The following TMEM259 variants were observed in gnomAD, a reference collection of about 807,000 sequenced individuals.
TMEM259 encodes transmembrane protein 259.
In TMEM259, 26 loss-of-function variants were observed where a neutral mutation model predicts 46.7. The observed-to-expected ratio is 0.56, with a 90% CI of 0.41 to 0.77. The LOEUF is 0.77. Ranked by LOEUF, TMEM259 falls within the 30% of genes least tolerant of loss-of-function variation. The pLI is 0.00. For synonymous variants in TMEM259, 494 were observed against 395.1 expected (o/e 1.25, Z -2.97); for missense variants, 930 against 900.5 (o/e 1.03, Z -0.42).
Position 1,010,013 on chromosome 19 carries a change from C to A in TMEM259, c.*337G>T. 8.5e-6 allele frequency: 3 copies of A among 354,304 alleles called. No homozygotes were observed. The highest frequency in any genetic ancestry group is 1.5e-5 in the Non-Finnish European group (3 of 196,586). 21.9% of individuals were successfully genotyped at this position (354,304 alleles called of 1,614,324 possible). On this transcript the variant is annotated 3_prime_UTR_variant, in exon 11 of 11. Transcript: ENST00000356663. ...CCCCAAGCCGGCCTCTCCTCCACAC[C>A]TCCGCCTTGCTCAGAGACCTGCACC...
In TMEM259 at chr19:1,012,182, G is replaced by A. The variant is rs555699990; in HGVS notation, c.725C>T (p.Thr242Met). The change falls in exon 5 of 11, where the codon ACG becomes ATG. Residue 242 changes from threonine to methionine, a missense_variant. Physicochemically the swap from Thr to Met is moderately conservative, Grantham distance 81 (BLOSUM62 -1). Coordinates refer to ENST00000356663, the MANE Select transcript of TMEM259 (RefSeq NM_001033026.2). ...GCGGTCCCCGAAGCACTGGTCCCGC[G>A]TGGGGTCTGCGGGTGGGTGAATCAG... ...IPVMVVTLDP[T>M]RDQCFGDRFS... is the part of the protein sequence containing the mutation. 4.1e-5 allele frequency: 65 copies of A among 1,601,032 alleles called. No individual in the cohort carries two copies. The highest frequency in any genetic ancestry group is 1.8e-4 in the Middle Eastern group (1 of 5,588).
Position 1,011,489 on chromosome 19 carries a change from G to A in TMEM259, c.1095C>T (p.Ala365=). 1.3e-6 allele frequency: 2 copies of A among 1,549,352 alleles called. No individual in the cohort carries two copies. The highest frequency in any genetic ancestry group is 1.7e-6 in the Non-Finnish European group (2 of 1,147,202). ...TVILALVGME[A]IMSEFFNDTT... is the part of the protein sequence containing the mutation. Reference sequence around the variant, plus strand: ...TGTCGTTGAAGAACTCCGACATGATGGCCTCCATCCCTGCAGGGAGAGGCG... The same window carrying A: ...TGTCGTTGAAGAACTCCGACATGATAGCCTCCATCCCTGCAGGGAGAGGCG... Residue 365 remains alanine, a synonymous_variant, in exon 9 of 11, where the codon GCC becomes GCT. Transcript: ENST00000356663.
In TMEM259 at chr19:1,011,244, G is replaced by GCCCAGC. The variant is rs1217969303; in HGVS notation, c.1218-55_1218-50dup. On this transcript the variant is annotated intron_variant, in intron 9 of 10. Transcript: ENST00000356663. ...GGGGCTGCAGGTCCCACCCTGCCAG[G>GCCCAGC]CCCAGCCCCTGGGGTTCCCGCGTGG... is the stretch of plus-strand genomic sequence containing the variant. 1.9e-6 allele frequency: 3 copies of GCCCAGC among 1,548,938 alleles called. No homozygotes were observed. The African/African-American group carries it at 4.1e-5, about 21-fold the overall frequency.
At position 1,014,489 on chromosome 19, in the gene TMEM259, C is replaced by A; in HGVS notation, c.226-16G>T. 6.3e-7 allele frequency: 1 copy of A among 1,599,444 alleles called. No homozygotes were observed. The highest frequency in any genetic ancestry group is 8.5e-7 in the Non-Finnish European group (1 of 1,171,764). ...CAAACAGGGCCTAGGGGGCGGCCGG[C>A]AGTCAGTGGGGCGCCCCAGGGCCAG... is the stretch of plus-strand genomic sequence containing the variant. On this transcript the variant is annotated splice_polypyrimidine_tract_variant and intron_variant, in intron 1 of 10. Coordinates refer to ENST00000356663, the MANE Select transcript of TMEM259 (RefSeq NM_001033026.2).
chr19:1,020,368 C>G lies in TMEM259; in HGVS notation c.225+404G>C, dbSNP rs981741239. ...AACTGAGGGTCTCAGGCGGCACAGT[C>G]AGGGGTCAAAGGGCGGGAGGTGCTA... On this transcript the variant is annotated intron_variant, in intron 1 of 10. Coordinates refer to ENST00000356663, the MANE Select transcript of TMEM259 (RefSeq NM_001033026.2). The surrounding 1 kb of genome is among the most constrained non-coding windows in gnomAD (Gnocchi z 4.0). Among the ~76,000 whole-genome samples the G allele has an allele frequency of 2.0e-5, 3 of 152,020 alleles. No homozygotes were observed. The highest frequency in any genetic ancestry group is 1.3e-4 in the Admixed American group (2 of 15,266).
At chr19:1,012,617 T>A in intron 3 of TMEM259, 44 bp from the exon 4 acceptor site, 1 of 1,536,116 alleles carries the variant, frequency 6.5e-7, no homozygotes, top group Non-Finnish European at 8.8e-7. Context: ...CCCACACACG[T>A]CCCCCGCCCA....
Position 1,009,765 on chromosome 19 carries a change from C to T in TMEM259, c.*585G>A, listed in dbSNP as rs967627100. The stretch of plus-strand genomic sequence containing the variant: ...CTCCCCGAGTGACTGGTTTGGCCGC[C>T]GGCCCACTCCATCCCCGAGTGGGAC... On this transcript the variant is annotated 3_prime_UTR_variant, in exon 11 of 11. Coordinates refer to ENST00000356663, the MANE Select transcript of TMEM259 (RefSeq NM_001033026.2). The T allele has an allele frequency of 4.3e-5, 27 of 632,894 alleles. No individual in the cohort carries two copies. Among genetic ancestry groups the T allele is most frequent in the African/African-American group, 4.3e-4 (22 of 51,590 alleles). 39.2% of individuals were successfully genotyped at this position (632,894 alleles called of 1,614,324 possible).
At chr19:1,017,626 G>C (rs1443876085) in intron 1 of TMEM259, among the ~76,000 whole-genome samples, 2 of 152,124 alleles carry the variant, frequency 1.3e-5, no homozygotes, top group Non-Finnish European at 2.9e-5. Flanking sequence ...GCCTCCTCCA[G>C]GAAGCTTCCT....
intron 1 of TMEM259, among the ~76,000 whole-genome samples, chr19:1,019,784 C>T (rs1267289347): frequency 6.6e-6 from 1 of 152,230 alleles, no homozygotes; most frequent in Non-Finnish European, 1.5e-5. Flanking sequence ...TCAGCAGCCC[C>T]CAAGCCCCGG....
rs758768716 is a variant in TMEM259, at chr19:1,010,095, A to G, written c.*255T>C. The G allele has an allele frequency of 2.1e-6, 1 of 485,486 alleles. No homozygotes were observed. Among genetic ancestry groups the G allele is most frequent in the Non-Finnish European group, 3.6e-6 (1 of 277,724 alleles). 30.1% of individuals were successfully genotyped at this position (485,486 alleles called of 1,614,324 possible). The stretch of plus-strand genomic sequence containing the variant: ...ACTGCAGACCTACCAAGACCCCTCC[A>G]GAACCTTCCGCGGAACCCCACCCCC... On this transcript the variant is annotated 3_prime_UTR_variant, in exon 11 of 11. Transcript: ENST00000356663.
intron 4 of TMEM259, 131 bp from the exon 5 acceptor site, chr19:1,012,319 C>T: frequency 6.7e-7 from 1 of 1,499,510 alleles, no homozygotes; most frequent in African/African-American, 1.4e-5. Context: ...CCATCCAGGA[C>T]CCCAGCCCTG....
chr19:1,011,192 G>T lies in TMEM259; in HGVS notation c.1221C>A (p.Phe407Leu). The T allele has an allele frequency of 1.3e-6, 2 of 1,592,940 alleles. No individual in the cohort carries two copies. Among genetic ancestry groups the T allele is most frequent in the East Asian group, 2.3e-5 (1 of 43,648 alleles). ...AGAAGGCGAAGTGGTAGAGATAGAA[G>T]AACCTGCGGGGCGGGGTGAGGGCGT... ...TSTSKRHWLR[F>L]FYLYHFAFYA... Residue 407 changes from phenylalanine to leucine, a missense_variant, in exon 10 of 11, where the codon TTC becomes TTA. Transcript: ENST00000356663.
At chr19:1,011,006 C>A (rs931623105) in intron 10 of TMEM259, 90 bp downstream of exon 10, 54 of 1,544,080 alleles carry the variant, frequency 3.5e-5, no homozygotes, top group Non-Finnish European at 4.4e-5. Flanking sequence ...CCCGCTTGGG[C>A]CGACCCCACA....
Position 1,020,723 on chromosome 19 carries a change from G to C in TMEM259, c.225+49C>G. 1 of 1,256,458 alleles carries C rather than the reference G, an allele frequency of 8.0e-7. No homozygotes were observed. The highest frequency in any genetic ancestry group is 1.0e-6 in the Non-Finnish European group (1 of 987,476). 77.8% of individuals were successfully genotyped at this position (1,256,458 alleles called of 1,614,324 possible). A position where few individuals can be genotyped will look rare whatever the true frequency, so the allele number is the denominator to read the frequency against. On this transcript the variant is annotated intron_variant, in intron 1 of 10. Transcript: ENST00000356663. This position sits in a 1 kb window ranked among gnomAD's most constrained non-coding sequence, Gnocchi z 4.0. ...GCGGTCGGAGGTAGCAGACTTGGGG[G>C]TCGGGACAGCCGCTGGGGTCAAGGG...
chr19:1,010,247 T>C lies in TMEM259; in HGVS notation c.*103A>G, dbSNP rs2038855564. 1 of 1,122,852 alleles carries C rather than the reference T, an allele frequency of 8.9e-7. No individual in the cohort carries two copies. The highest frequency in any genetic ancestry group is 3.6e-5 in the Admixed American group (1 of 28,110). 69.6% of individuals were successfully genotyped at this position (1,122,852 alleles called of 1,614,324 possible). A position where few individuals can be genotyped will look rare whatever the true frequency, so the allele number is the denominator to read the frequency against. ...AACCCTGAAAGCCCCCGACACAGGCTGGGCAGTCCCAGAGGAAGGAGGTGG... is the reference window on the plus strand; with the variant it reads ...AACCCTGAAAGCCCCCGACACAGGCCGGGCAGTCCCAGAGGAAGGAGGTGG... On this transcript the variant is annotated 3_prime_UTR_variant, in exon 11 of 11. Transcript: ENST00000356663.
chr19:1,011,620 G>C lies in TMEM259; in HGVS notation c.1044C>G (p.Phe348Leu). 1 of 1,546,568 alleles carries C rather than the reference G, an allele frequency of 6.5e-7. No homozygotes were observed. The highest frequency in any genetic ancestry group is 8.7e-7 in the Non-Finnish European group (1 of 1,145,654). Residue 348 changes from phenylalanine (F) to leucine (L), a missense_variant, in exon 8 of 11, where the codon TTC becomes TTG. Coordinates refer to ENST00000356663, the MANE Select transcript of TMEM259 (RefSeq NM_001033026.2). ...QMLEMNMAIA[F>L]PAAPLLTVIL... ...TGACGGTCAGCAGGGGCGCTGCGGGGAAGGCGATGGCCATGTTCATCTCCA... is the reference window on the plus strand; with the variant it reads ...TGACGGTCAGCAGGGGCGCTGCGGGCAAGGCGATGGCCATGTTCATCTCCA...
Position 1,010,458 on chromosome 19 carries a change from G to C in TMEM259, c.1755C>G (p.Pro585=). The change falls in exon 11 of 11, where the codon CCC becomes CCG. Residue 585 remains proline (P), a synonymous_variant. Transcript: ENST00000356663. Reference sequence around the variant, plus strand: ...TGTCAGAAGCTGCGGAGTCACTCGGGGGGACACTGTCCTGGGGGGCGTGGG... The same window carrying C: ...TGTCAGAAGCTGCGGAGTCACTCGGCGGGACACTGTCCTGGGGGGCGTGGG... ...GLPHAPQDSV[P]PSDSAASDTT... The C allele has an allele frequency of 5.8e-6, 9 of 1,540,244 alleles. No individual in the cohort carries two copies. Among genetic ancestry groups the C allele is most frequent in the Non-Finnish European group, 7.9e-6 (9 of 1,143,358 alleles).
In TMEM259 at chr19:1,011,488, T is replaced by C. The variant is rs770367367; in HGVS notation, c.1096A>G (p.Ile366Val). ...VILALVGMEA[I>V]MSEFFNDTTT... ...GTGTCGTTGAAGAACTCCGACATGA[T>C]GGCCTCCATCCCTGCAGGGAGAGGC... The change falls in exon 9 of 11, where the codon ATC (isoleucine) becomes GTC (valine). Residue 366 changes from isoleucine (I) to valine (V), a missense_variant. Transcript: ENST00000356663. 3 of 1,451,198 alleles carry C rather than the reference T, an allele frequency of 2.1e-6. No individual in the cohort carries two copies. The highest frequency in any genetic ancestry group is 2.1e-5 in the Admixed American group (1 of 47,878). 89.9% of individuals were successfully genotyped at this position (1,451,198 alleles called of 1,614,324 possible). A position where few individuals can be genotyped will look rare whatever the true frequency, so the allele number is the denominator to read the frequency against.
chr19:1,012,791 C>T (rs2038981121), intron 3 of TMEM259, among the ~76,000 whole-genome samples: 1 of 152,200 alleles, frequency 6.6e-6, no homozygotes, highest in African/African-American at 2.4e-5. Flanking sequence ...GCTCCTCCTC[C>T]CGTGGCCCCC....
Sources: gnomAD v4.1 joint callset for allele counts (sites outside exome capture counted in the v4.1 genomes callset) on GRCh38, gnomAD v4.1.1 for gene constraint, Gnocchi (gnomAD v3.1) non-coding constraint, MANE v1.5 for transcripts, NCBI Gene and HGNC (gene_info 2026-07-23, HGNC 2026-07-21) for gene names.